The following RTEL1 variants were observed in gnomAD, a reference collection of about 807,000 sequenced individuals.
RTEL1 encodes regulator of telomere elongation helicase 1, also known as regulator of telomere length.
In RTEL1, 86 loss-of-function variants were observed where a neutral mutation model predicts 162.2. That is an observed-to-expected ratio of 0.53 (90% confidence interval 0.45 to 0.63). RTEL1 has a LOEUF of 0.63. RTEL1 is among the 30% of genes least tolerant of loss of function. The pLI is 0.00. For synonymous variants in RTEL1, 958 were observed against 717.9 expected (o/e 1.33, Z -5.35); for missense variants, 1,941 against 1,750.2 (o/e 1.11, Z -1.95).
rs757244305 is a variant in RTEL1, at chr20:63,667,570, G to A, written c.699+17G>A. On this transcript the variant is annotated intron_variant, in intron 8 of 34. Coordinates refer to ENST00000360203, the MANE Select transcript of RTEL1 (RefSeq NM_001283009.2). ...GATGCCAAGGTGGGGGCTCAGTCCT[G>A]TAGCTGACGACTCCTGATGTCCAGG... 11 of 1,600,722 alleles carry A rather than the reference G, an allele frequency of 6.9e-6. No individual in the cohort carries two copies. Among genetic ancestry groups the A allele is most frequent in the Admixed American group, 1.7e-5 (1 of 59,966 alleles).
intron 12 of RTEL1, 62 bp downstream of exon 12, chr20:63,678,408 G>A: frequency 2.0e-6 from 3 of 1,490,838 alleles, no homozygotes; most frequent in Non-Finnish European, 2.7e-6. Context: ...AACGGGCCAT[G>A]GTGCAGTCCT....
chr20:63,662,586 A>G lies in RTEL1; in HGVS notation c.436A>G (p.Ile146Val), dbSNP rs1420390084. 1.2e-6 allele frequency: 2 copies of G among 1,613,950 alleles called. No homozygotes were observed. Among genetic ancestry groups the G allele is most frequent in the Admixed American group, 1.7e-5 (1 of 59,994 alleles). The change falls in exon 5 of 35, where the codon ATC (isoleucine) becomes GTC (valine). Residue 146 changes from isoleucine to valine, a missense_variant. Transcript: ENST00000360203. ...GCTGGGCTCCCGGGAGCAGCTGTGC[A>G]TCCATCCTGAGGTGAAGAAACAAGA... ...CVLGSREQLC[I>V]HPEVKKQESN...
intron 14 of RTEL1, chr20:63,681,476 C>T (rs1374717794): frequency 8.1e-6 from 8 of 985,272 alleles, no homozygotes; most frequent in East Asian, 1.1e-4. Context: ...GCTGGCCACA[C>T]GAGATCATGG....
At position 63,696,096 on chromosome 20, in the gene RTEL1, C is replaced by T; in HGVS notation, c.*238C>T. The T allele has an allele frequency of 1.8e-6, 1 of 552,798 alleles. No individual in the cohort carries two copies. The highest frequency in any genetic ancestry group is 3.2e-6 in the Non-Finnish European group (1 of 311,020). The allele number at this position is 552,798 out of a possible 1,614,324, so 34.2% of individuals were successfully genotyped here. A position where few individuals can be genotyped will look rare whatever the true frequency, so the allele number is the denominator to read the frequency against. On this transcript the variant is annotated 3_prime_UTR_variant, in exon 35 of 35. Coordinates refer to ENST00000360203, the MANE Select transcript of RTEL1 (RefSeq NM_001283009.2). Reference sequence around the variant, plus strand: ...GGGGTGGGTTTCTGGGAAAGTGCTTCCCCAGAACTTCCCTGGCTCCTGGCC... The same window carrying T: ...GGGGTGGGTTTCTGGGAAAGTGCTTTCCCAGAACTTCCCTGGCTCCTGGCC...
At chr20:63,682,916 C>G (rs149027028) in intron 14 of RTEL1, among the ~76,000 whole-genome samples, 1,719 of 152,320 alleles carry the variant, frequency 0.011, 39 homozygotes, top group African/African-American at 0.039. Context: ...GGTCCTCATC[C>G]CTCTCTGCCT....
At chr20:63,675,508 A>G (rs1285116904) in intron 10 of RTEL1, among the ~76,000 whole-genome samples, 3 of 151,642 alleles carry the variant, frequency 2.0e-5, no homozygotes, top group African/African-American at 4.9e-5. Flanking sequence ...CCCTTTATAT[A>G]TATATATATA....
At chr20:63,676,789 G>T (rs974238609) in intron 10 of RTEL1, among the ~76,000 whole-genome samples, 1 of 152,180 alleles carries the variant, frequency 6.6e-6, no homozygotes, top group African/African-American at 2.4e-5. Flanking sequence ...AAAAAAATTA[G>T]CCAGGTGTGG....
At chr20:63,663,545 C>A (rs532863043) in intron 6 of RTEL1, among the ~76,000 whole-genome samples, 1 of 152,362 alleles carries the variant, frequency 6.6e-6, no homozygotes, top group South Asian at 2.1e-4. Context: ...ACCCACGTGG[C>A]TGCCCCTCGG....
chr20:63,691,473 C>T (rs1237047474), intron 27 of RTEL1, among the ~76,000 whole-genome samples: 2 of 152,264 alleles, frequency 1.3e-5, no homozygotes, highest in Admixed American at 6.5e-5. Context: ...GCACCTGTGT[C>T]CCCTTCCTGC....
Position 63,679,899 on chromosome 20 carries a change from G to C in RTEL1, c.1088G>C (p.Gly363Ala), listed in dbSNP as rs753904499. The part of the protein sequence containing the change: ...AEAQITFQTK[G>A]CILDSLDQII... ...GCCCAGATCACGTTTCAGACCAAGGGCTGCATCCTGGACTCGCTGGACCAG... is the reference window on the plus strand; with the variant it reads ...GCCCAGATCACGTTTCAGACCAAGGCCTGCATCCTGGACTCGCTGGACCAG... Residue 363 changes from glycine to alanine, a missense_variant, in exon 13 of 35, where the codon GGC (glycine) becomes GCC (alanine). Coordinates refer to ENST00000360203, the MANE Select transcript of RTEL1 (RefSeq NM_001283009.2). The C allele has an allele frequency of 8.1e-6, 13 of 1,612,386 alleles. No individual in the cohort carries two copies. The highest frequency in any genetic ancestry group is 1.1e-5 in the Non-Finnish European group (13 of 1,179,976).
intron 2 of RTEL1, among the ~76,000 whole-genome samples, 196 bp downstream of exon 2, chr20:63,659,700 C>G (rs1337804509): frequency 2.6e-5 from 4 of 152,136 alleles, no homozygotes; most frequent in African/African-American, 9.7e-5. Context: ...TGAAGGGGGC[C>G]GGCCCCTCCA....
rs1334634497 is a variant in RTEL1, at chr20:63,693,166, C to T, written c.2875C>T (p.His959Tyr). Residue 959 changes from histidine (H) to tyrosine (Y), a missense_variant, in exon 30 of 35, where the codon CAC becomes TAC. By Grantham distance (83) the His-to-Tyr change is moderately conservative. Transcript: ENST00000360203. ...LQGFYQFVRP[H>Y]HKQQFEEVCI... Reference sequence around the variant, plus strand: ...AGGCTTCTACCAGTTTGTGCGGCCCCACCATAAGCAGCAGTTTGAGGAGGT... The same window carrying T: ...AGGCTTCTACCAGTTTGTGCGGCCCTACCATAAGCAGCAGTTTGAGGAGGT... The T allele has an allele frequency of 3.1e-6, 5 of 1,612,086 alleles. No individual in the cohort carries two copies. The highest frequency in any genetic ancestry group is 1.1e-5 in the South Asian group (1 of 91,092).
At chr20:63,685,962 A>G (rs1263820818) in intron 16 of RTEL1, 90 bp downstream of exon 16, 2 of 1,277,200 alleles carry the variant, frequency 1.6e-6, no homozygotes, top group Admixed American at 1.9e-5. Flanking sequence ...CCAGCCGTGG[A>G]TCTCCTGCCC....
chr20:63,694,819 A>G lies in RTEL1; in HGVS notation c.3188A>G (p.Tyr1063Cys). ...CAGGGCCAGCACGCCGTGAGCGCCT[A>G]CCTGGCTGATGCCCGCAGGGCCCTG... ...GKQGQHAVSA[Y>C]LADARRALGS... Residue 1063 changes from tyrosine to cysteine, a missense_variant, in exon 32 of 35, where the codon TAC becomes TGC. Coordinates refer to ENST00000360203, the MANE Select transcript of RTEL1 (RefSeq NM_001283009.2). The G allele has an allele frequency of 1.2e-6, 2 of 1,612,498 alleles. No individual in the cohort carries two copies. Among genetic ancestry groups the G allele is most frequent in the Non-Finnish European group, 1.7e-6 (2 of 1,179,790 alleles).
intron 10 of RTEL1, among the ~76,000 whole-genome samples, chr20:63,675,414 C>T (rs1292747507): frequency 1.3e-5 from 2 of 152,104 alleles, no homozygotes; most frequent in African/African-American, 4.8e-5. Context: ...CCCTTCTCAC[C>T]AGGATGGCTG....
At position 63,694,660 on chromosome 20, in the gene RTEL1, C is replaced by A. The variant is rs1457512743; in HGVS notation, c.3110-81C>A. ...GTCCTGAGCAGCTCTCCAGGAGTTC[C>A]TGGAGGAAGGGCGGGCAGGGCGGTG... On this transcript the variant is annotated intron_variant, in intron 31 of 34. Transcript: ENST00000360203. 3.7e-6 allele frequency: 5 copies of A among 1,357,392 alleles called. No individual in the cohort carries two copies. The African/African-American group carries it at 7.3e-5, about 20-fold the overall frequency. 84.1% of individuals were successfully genotyped at this position (1,357,392 alleles called of 1,614,324 possible).
At chr20:63,669,288 C>G (rs193166353) in intron 8 of RTEL1, among the ~76,000 whole-genome samples, 58 of 152,276 alleles carry the variant, frequency 3.8e-4, no homozygotes, top group African/African-American at 1.3e-3. Flanking sequence ...TTGTTTTACC[C>G]TGTATAAACC....
chr20:63,691,665 C>G, intron 27 of RTEL1, 77 bp from the exon 28 acceptor site: 1 of 1,313,598 alleles, frequency 7.6e-7, no homozygotes, highest in East Asian at 2.3e-5. Context: ...ACCATCTTCC[C>G]TGTGCGTCCA....
Position 63,689,531 on chromosome 20 carries a change from GA to G in RTEL1, c.1910del (p.Asn637MetfsTer5), listed in dbSNP as rs2090675337. The G allele has an allele frequency of 1.1e-5, 17 of 1,609,434 alleles. No individual in the cohort carries two copies. Among genetic ancestry groups the G allele is most frequent in the Non-Finnish European group, 1.4e-5 (17 of 1,178,668 alleles). On this transcript the variant is annotated frameshift_variant, in exon 23 of 35. Transcript: ENST00000360203. LOFTEE classifies it high-confidence loss of function. ...GCGAGGGGCTGGACTTCTCAGACAC[GA>G]ATGGCCGTGGTGTGATTGTCACGGG... ...ASEGLDFSDT[N>X]GRGVIVTGLP...
Sources: allele counts gnomAD v4.1 joint callset (sites outside exome capture counted in the v4.1 genomes callset), GRCh38; gene constraint gnomAD v4.1.1; transcripts MANE v1.5; gene names NCBI Gene and HGNC (gene_info 2026-07-23, HGNC 2026-07-21).